NDUFS2: variants seen among roughly 807,000 people sequenced by gnomAD.
NDUFS2 encodes the protein NADH dehydrogenase [ubiquinone] iron-sulfur protein 2, mitochondrial.
Under a neutral mutation model 69.6 loss-of-function variants are expected in NDUFS2, and 38 were observed. That is an observed-to-expected ratio of 0.55 (90% CI 0.42 to 0.72). The LOEUF is 0.72. Among genes scored for constraint, NDUFS2 ranks in the 30% least tolerant of loss-of-function variants. The pLI, the probability that NDUFS2 is intolerant of heterozygous loss-of-function variation, is 0.00. For missense variants in NDUFS2, 468 were observed against 595.0 expected, an observed-to-expected ratio of 0.79 and a Z score of 2.22; for synonymous variants, 194 against 211.2, an observed-to-expected ratio of 0.92 and a Z score of 0.70.
chr1:161,200,232 C>A (rs746262679), upstream of NDUFS2, among the ~76,000 whole-genome samples: 5 of 152,016 alleles, frequency 3.3e-5, no homozygotes, highest in Non-Finnish European at 7.4e-5. Context: ...AAATCCATTG[C>A]CTGGGGTGGG....
At chr1:161,210,781 T>C in intron 9 of NDUFS2, 71 bp downstream of exon 9, 1 of 1,608,556 alleles carries the variant, frequency 6.2e-7, no homozygotes. Context: ...CTTTGCCACT[T>C]CCTTCTTTAC....
At chr1:161,207,633 A>G (rs1412470408) in intron 3 of NDUFS2, among the ~76,000 whole-genome samples, 1 of 151,326 alleles carries the variant, frequency 6.6e-6, no homozygotes, top group Non-Finnish European at 1.5e-5. Context: ...GTGCGCCTGT[A>G]GGAGAATCAC....
At chr1:161,198,577 C>G, upstream of NDUFS2, 2 of 1,548,230 alleles carry the variant, frequency 1.3e-6, no homozygotes, top group Non-Finnish European at 8.7e-7. This position sits in a 1 kb window ranked among gnomAD's most constrained non-coding sequence, Gnocchi z 4.7. Flanking sequence ...GGGCTCCCCA[C>G]AGCCAGCGCC....
intron 4 of NDUFS2, 66 bp from the exon 5 acceptor site, chr1:161,209,417 T>C: frequency 6.2e-7 from 1 of 1,609,100 alleles, no homozygotes; most frequent in Non-Finnish European, 8.5e-7. Flanking sequence ...CCCCAGGCTC[T>C]GCCCAGACCT....
chr1:161,209,788 G>C (rs1358040786), intron 5 of NDUFS2, 69 bp from the exon 6 acceptor site: 2 of 1,535,932 alleles, frequency 1.3e-6, no homozygotes, highest in Admixed American at 1.9e-5. Flanking sequence ...GCAGAAAGTG[G>C]GGGAGTAGGC....
Position 161,214,075 on chromosome 1 carries a change from G to A in NDUFS2, c.1355-81G>A. ...CACAGTAATGGGTTCTGGATCTTGG[G>A]TAACACCACTTTTTTTGTTTGTTTT... is the stretch of plus-strand genomic sequence containing the variant. On this transcript the variant is annotated intron_variant, in intron 13 of 13. Transcript: ENST00000676972. 5 of 1,613,504 alleles carry A rather than the reference G, an allele frequency of 3.1e-6. No homozygotes were observed. The South Asian group carries it at 3.3e-5, about 11-fold the overall frequency.
At position 161,214,153 on chromosome 1, in the gene NDUFS2, T is replaced by G. The variant is rs1174185678; in HGVS notation, c.1355-3T>G. ...CACTTTTTTCCTCCATCCTCTCACC[T>G]AGGTACCCAAGATATTGTATTTGGA... On this transcript the variant is annotated splice_region_variant and splice_polypyrimidine_tract_variant and intron_variant, in intron 13 of 13. Coordinates refer to ENST00000676972, the MANE Select transcript of NDUFS2 (RefSeq NM_001377299.1). The G allele has an allele frequency of 6.2e-7, 1 of 1,613,990 alleles. No individual in the cohort carries two copies. Among genetic ancestry groups the G allele is most frequent in the Non-Finnish European group, 8.5e-7 (1 of 1,179,946 alleles).
At chr1:161,212,317 C>T in intron 9 of NDUFS2, 34 bp from the exon 10 acceptor site, 1 of 1,612,642 alleles carries the variant, frequency 6.2e-7, no homozygotes, top group Non-Finnish European at 8.5e-7. Flanking sequence ...GCTCCTCTGA[C>T]TGTTCTTCTC....
upstream of NDUFS2, chr1:161,202,227 C>A (rs886045456): frequency 2.5e-5 from 18 of 717,096 alleles, no homozygotes; most frequent in South Asian, 2.1e-4. Flanking sequence ...CAAGTGAAGC[C>A]GAGTCACAGG....
intron 9 of NDUFS2, among the ~76,000 whole-genome samples, chr1:161,210,918 A>G (rs1665737231): frequency 6.6e-6 from 1 of 152,128 alleles, no homozygotes. Context: ...CTTGTTGCCC[A>G]GGTTGGAATG....
In NDUFS2 at chr1:161,205,831, G is replaced by A. The variant is rs568891160; in HGVS notation, c.203-576G>A. 2.6e-5 allele frequency among the ~76,000 whole-genome samples: 4 copies of A among 152,170 alleles called. No individual in the cohort carries two copies. In the South Asian group the frequency reaches 6.2e-4, roughly 24 times the overall value. On this transcript the variant is annotated intron_variant, in intron 2 of 13. Transcript: ENST00000676972. ...TTCATTTAGTGCGAGTAAGCATTAG[G>A]TATACCATTTCCTGACTGGTTGGCC...
upstream of NDUFS2, chr1:161,198,447 TCTC>T (rs754725235): frequency 1.9e-6 from 3 of 1,580,038 alleles, no homozygotes; most frequent in Admixed American, 1.8e-5. The surrounding 1 kb of genome is among the most constrained non-coding windows in gnomAD (Gnocchi z 4.7). Context: ...GGAAACACGA[TCTC>T]CTCCTCCCGG....
At chr1:161,213,075 T>C (rs1665861952) in intron 10 of NDUFS2, 2 of 353,390 alleles carry the variant, frequency 5.7e-6, no homozygotes, top group Non-Finnish European at 1.1e-5. Flanking sequence ...CAGCTAATTT[T>C]TGTATTTTTA....
At chr1:161,213,806 C>G in intron 12 of NDUFS2, 58 bp from the exon 13 acceptor site, 1 of 1,612,130 alleles carries the variant, frequency 6.2e-7, no homozygotes, top group Non-Finnish European at 8.5e-7. Flanking sequence ...ATGAACTCTT[C>G]TTTCTCCTCC....
chr1:161,208,972 A>T (rs887423374), intron 3 of NDUFS2, among the ~76,000 whole-genome samples: 24 of 152,218 alleles, frequency 1.6e-4, no homozygotes, highest in African/African-American at 5.3e-4. Context: ...GGCAAACATG[A>T]CAAATCAGAG....
intron 9 of NDUFS2, among the ~76,000 whole-genome samples, 180 bp from the exon 10 acceptor site, chr1:161,212,171 A>G (rs1035524721): frequency 1.4e-5 from 2 of 143,896 alleles, no homozygotes; most frequent in African/African-American, 2.5e-5. Context: ...CCTGTTTCAG[A>G]AAAAAAAAAA....
chr1:161,202,156 C>T, upstream of NDUFS2: 1 of 591,972 alleles, frequency 1.7e-6, no homozygotes, highest in Non-Finnish European at 3.1e-6. Context: ...GAAAAGCCAG[C>T]CAGGAGCTGT....
At chr1:161,198,241 A>T, upstream of NDUFS2, 1 of 1,614,050 alleles carries the variant, frequency 6.2e-7, no homozygotes. The surrounding 1 kb of genome is among the most constrained non-coding windows in gnomAD (Gnocchi z 4.7). Flanking sequence ...TGATGGTGCC[A>T]GTCAGGTAGG....
rs777997885 is a variant in NDUFS2 at position 161,214,238 on chromosome 1, G to T, written c.*45G>T. On this transcript the variant is annotated 3_prime_UTR_variant, in exon 14 of 14. Coordinates refer to ENST00000676972, the MANE Select transcript of NDUFS2 (RefSeq NM_001377299.1). ...TCCCCCCTGCCTATCAGCTTCTTCT[G>T]TGGAGCCTGTTCCTCACTGGAAATT... 30 of 1,566,046 alleles carry T rather than the reference G, an allele frequency of 1.9e-5. No homozygotes were observed. The East Asian group carries it at 6.1e-4, about 32-fold the overall frequency.
Sources: allele counts gnomAD v4.1 joint callset (sites outside exome capture counted in the v4.1 genomes callset), GRCh38; gene constraint gnomAD v4.1.1; non-coding constraint Gnocchi (gnomAD v3.1); transcripts MANE v1.5; gene names NCBI Gene and HGNC (gene_info 2026-07-23, HGNC 2026-07-21).